RABEPK: variants seen among roughly 807,000 people sequenced by gnomAD.
The protein encoded by RABEPK is 40 kDa Rab9 effector protein.
A neutral mutation model predicts 34.1 loss-of-function variants in RABEPK; 27 were observed. That is an observed-to-expected ratio of 0.79 (90% CI 0.58 to 1.09). The LOEUF is 1.09. RABEPK is among the 50% of genes least tolerant of loss of function. The probability of loss-of-function intolerance (pLI) is 0.00; values close to 1 mark genes in which losing one functional copy is unlikely to be tolerated. For synonymous variants in RABEPK, 172 were observed against 169.2 expected, an observed-to-expected ratio of 1.02 and a Z score of -0.13; for missense variants, 449 against 462.6, an observed-to-expected ratio of 0.97 and a Z score of 0.27.
chr9:125,227,030 T>C (rs1305348875), intron 5 of RABEPK, among the ~76,000 whole-genome samples: 1 of 144,568 alleles, frequency 6.9e-6, no homozygotes, highest in African/African-American at 2.6e-5. Context: ...ATTAGCTGCA[T>C]GTGGTGTTGC....
chr9:125,212,043 C>A (rs1830622054), intron 3 of RABEPK, among the ~76,000 whole-genome samples: 1 of 152,122 alleles, frequency 6.6e-6, no homozygotes, highest in African/African-American at 2.4e-5. Flanking sequence ...CAACTTACAT[C>A]TTTATTGCAA....
At chr9:125,227,059 ACT>A (rs1034902052) in intron 5 of RABEPK, among the ~76,000 whole-genome samples, 1 of 150,668 alleles carries the variant, frequency 6.6e-6, no homozygotes, top group African/African-American at 2.4e-5. Flanking sequence ...AATCCCAGCT[ACT>A]CTGGAGGCTG....
intron 5 of RABEPK, among the ~76,000 whole-genome samples, chr9:125,224,061 G>A (rs1037627197): frequency 8.6e-5 from 13 of 151,858 alleles, no homozygotes; most frequent in South Asian, 2.1e-4. Context: ...CAGGCATGGC[G>A]GCAGGTGCCT....
At chr9:125,202,412 C>T (rs991212712) in intron 1 of RABEPK, among the ~76,000 whole-genome samples, 3 of 151,788 alleles carry the variant, frequency 2.0e-5, no homozygotes, top group African/African-American at 7.3e-5. Context: ...ATCTCAGCTA[C>T]TCAGGAGGCT....
intron 5 of RABEPK, among the ~76,000 whole-genome samples, chr9:125,225,507 A>T (rs1831671783): frequency 6.6e-6 from 1 of 151,630 alleles, no homozygotes; most frequent in Non-Finnish European, 1.5e-5. Flanking sequence ...AACATGGCAA[A>T]ACCTCAGCTT....
intron 2 of RABEPK, among the ~76,000 whole-genome samples, chr9:125,204,186 T>G (rs1329300863): frequency 6.6e-6 from 1 of 151,386 alleles, no homozygotes; most frequent in East Asian, 1.9e-4. Flanking sequence ...TACAAAAAAT[T>G]AGCCGGGCGT....
chr9:125,229,331 G>A (rs535673113), intron 6 of RABEPK, among the ~76,000 whole-genome samples: 2 of 152,192 alleles, frequency 1.3e-5, no homozygotes, highest in East Asian at 3.9e-4. Context: ...TACGTGGGAG[G>A]CTGAGGCAGG....
intron 5 of RABEPK, among the ~76,000 whole-genome samples, chr9:125,222,857 A>G (rs1831448618): frequency 6.6e-6 from 1 of 152,144 alleles, no homozygotes; most frequent in South Asian, 2.1e-4. Context: ...TAAATATTAG[A>G]GTCAGGGTCT....
At chr9:125,201,106 C>G (rs748404384) in intron 1 of RABEPK, among the ~76,000 whole-genome samples, 200 bp downstream of exon 1, 4 of 152,126 alleles carry the variant, frequency 2.6e-5, no homozygotes, top group Non-Finnish European at 4.4e-5. Flanking sequence ...CCAAATGATT[C>G]CTGCAATGGT....
chr9:125,207,165 C>A (rs990936123), intron 2 of RABEPK, among the ~76,000 whole-genome samples: 15 of 151,888 alleles, frequency 9.9e-5, no homozygotes, highest in Non-Finnish European at 1.9e-4. Context: ...GGTTAAGTGA[C>A]TTCCAAAAGG....
intron 6 of RABEPK, among the ~76,000 whole-genome samples, chr9:125,228,412 C>T (rs552362789): frequency 2.6e-5 from 4 of 152,156 alleles, no homozygotes; most frequent in Non-Finnish European, 2.9e-5. Flanking sequence ...ATCTTAGCAC[C>T]TTGGGAGGCT....
At position 125,234,059 on chromosome 9, in the gene RABEPK, T is replaced by C; in HGVS notation, c.*79T>C. 7.5e-7 allele frequency: 1 copy of C among 1,324,680 alleles called. No individual in the cohort carries two copies. Among genetic ancestry groups the C allele is most frequent in the Non-Finnish European group, 1.0e-6 (1 of 953,868 alleles). The allele number at this position is 1,324,680 out of a possible 1,614,324, so 82.1% of individuals were successfully genotyped here. On this transcript the variant is annotated 3_prime_UTR_variant, in exon 8 of 8. Transcript: ENST00000373538. ...CATTAGCTGTTTTATACCTCCAAAA[T>C]ATCTTCTGCATTATATATCTGTTTT...
intron 5 of RABEPK, among the ~76,000 whole-genome samples, chr9:125,223,615 C>T (rs1321225736): frequency 6.6e-6 from 1 of 151,598 alleles, no homozygotes; most frequent in Non-Finnish European, 1.5e-5. Context: ...CCTATAATCC[C>T]ATCGGCTCAG....
intron 4 of RABEPK, among the ~76,000 whole-genome samples, chr9:125,215,833 T>C (rs1197740455): frequency 6.6e-6 from 1 of 152,188 alleles, no homozygotes; most frequent in Non-Finnish European, 1.5e-5. Context: ...TGTGAACCTT[T>C]TCAAGGTTTT....
chr9:125,233,714 T>TTTGATACTCTTCTA lies in RABEPK; in HGVS notation c.854_867dup (p.Pro290LeufsTer21). The stretch of plus-strand genomic sequence containing the variant: ...AGAGCAGCATTGGACCTTGCTTAAA[T>TTTGATACTCTTCTA]TTGATACTCTTCTACCCCCTGGACG... On this transcript the variant is annotated frameshift_variant, in exon 8 of 8. Coordinates refer to ENST00000373538, the MANE Select transcript of RABEPK (RefSeq NM_005833.4). LOFTEE classifies it low-confidence loss of function (END_TRUNC). The TTTGATACTCTTCTA allele has an allele frequency of 6.2e-7, 1 of 1,614,036 alleles. No homozygotes were observed. Among genetic ancestry groups the TTTGATACTCTTCTA allele is most frequent in the Non-Finnish European group, 8.5e-7 (1 of 1,179,922 alleles).
chr9:125,211,236 C>CA (rs201121898), intron 3 of RABEPK, among the ~76,000 whole-genome samples: 2,163 of 144,032 alleles, frequency 0.015, 100 homozygotes, highest in Admixed American at 0.084. Context: ...GACGCCATCT[C>CA]AAAAAAAAAA....
rs761904908 is a variant in RABEPK at position 125,213,362 on chromosome 9, T to G, written c.212-8T>G. On this transcript the variant is annotated splice_polypyrimidine_tract_variant and splice_region_variant and intron_variant, in intron 3 of 7. Coordinates refer to ENST00000373538, the MANE Select transcript of RABEPK (RefSeq NM_005833.4). ...CCCAATCTAGGAACTGGGTGAAATG[T>G]TTTCCAGGAAAACACCAGTGGGACT... 6.2e-6 allele frequency: 10 copies of G among 1,607,892 alleles called. No homozygotes were observed. The highest frequency in any genetic ancestry group is 8.5e-6 in the Non-Finnish European group (10 of 1,178,138).
chr9:125,223,338 C>A (rs1831493693), intron 5 of RABEPK, among the ~76,000 whole-genome samples: 1 of 151,742 alleles, frequency 6.6e-6, no homozygotes, highest in Non-Finnish European at 1.5e-5. Flanking sequence ...CTGCTGCAAT[C>A]CCAGCTACTA....
At chr9:125,205,296 A>G (rs937249204) in intron 2 of RABEPK, among the ~76,000 whole-genome samples, 56 of 152,226 alleles carry the variant, frequency 3.7e-4, no homozygotes, top group African/African-American at 1.3e-3. Flanking sequence ...GAAGTGAAAC[A>G]GATAGTTGTG....
Sources: gnomAD v4.1 joint callset for allele counts (sites outside exome capture counted in the v4.1 genomes callset) on GRCh38, gnomAD v4.1.1 for gene constraint, MANE v1.5 for transcripts, NCBI Gene and HGNC (gene_info 2026-07-23, HGNC 2026-07-21) for gene names.